The following BRWD1 variants were observed in gnomAD, a reference collection of about 807,000 sequenced individuals.
BRWD1 encodes bromodomain and WD repeat-containing protein 1.
A neutral mutation model predicts 251.2 loss-of-function variants in BRWD1; 82 were observed. The ratio of observed to expected loss-of-function variants is 0.33; its 90% CI spans 0.27 to 0.39. BRWD1 has a LOEUF of 0.39. Ranked by LOEUF, BRWD1 falls within the 10% of genes least tolerant of loss-of-function variation. The probability of loss-of-function intolerance (pLI) is 1.00; values close to 1 mark genes in which losing one functional copy is unlikely to be tolerated. For synonymous variants in BRWD1, 918 were observed against 902.8 expected, an observed-to-expected ratio of 1.02 and a Z score of -0.30; for missense variants, 2,233 against 2,711.6, an observed-to-expected ratio of 0.82 and a Z score of 3.92.
At chr21:39,247,642 A>C in intron 21 of BRWD1, 59 bp downstream of exon 21, 1 of 1,508,134 alleles carries the variant, frequency 6.6e-7, no homozygotes, top group Non-Finnish European at 8.9e-7. Flanking sequence ...ATTCAAAGTA[A>C]AGAATTAAGC....
chr21:39,194,014 G>C lies in BRWD1; in HGVS notation c.*2245C>G, dbSNP rs1292532385. The C allele has an allele frequency of 2.0e-6, 2 of 985,326 alleles. No homozygotes were observed. The highest frequency in any genetic ancestry group is 3.5e-5 in the African/African-American group (2 of 57,160). The allele number at this position is 985,326 out of a possible 1,614,324, so 61.0% of individuals were successfully genotyped here. ...TACCATTGTCGGCTATGCTTTTAAA[G>C]ACATCAGGTCCATTCTTGCTGCTTC... On this transcript the variant is annotated 3_prime_UTR_variant, in exon 41 of 41. Coordinates refer to ENST00000342449, the MANE Select transcript of BRWD1 (RefSeq NM_033656.4).
chr21:39,243,701 T>C (rs1468908394), intron 21 of BRWD1, among the ~76,000 whole-genome samples: 1 of 152,108 alleles, frequency 6.6e-6, no homozygotes, highest in East Asian at 1.9e-4. Context: ...TCCTCCCACC[T>C]CAGTCTCCCA....
intron 8 of BRWD1, among the ~76,000 whole-genome samples, chr21:39,287,838 T>G (rs903205390): frequency 2.0e-5 from 3 of 152,206 alleles, no homozygotes; most frequent in Non-Finnish European, 2.9e-5. Flanking sequence ...TTCAGCTTCT[T>G]TCTAATACAT....
intron 4 of BRWD1, among the ~76,000 whole-genome samples, chr21:39,311,705 T>A (rs959824914): frequency 1.3e-5 from 2 of 152,226 alleles, no homozygotes; most frequent in Admixed American, 6.5e-5. Context: ...TTAGAACTCA[T>A]TCCCTTGAAA....
At chr21:39,238,082 G>A (rs188058600) in intron 22 of BRWD1, among the ~76,000 whole-genome samples, 17 of 152,114 alleles carry the variant, frequency 1.1e-4, no homozygotes, top group Non-Finnish European at 2.4e-4. Context: ...TGAAGGTGAC[G>A]TGCACCAAGA....
intron 8 of BRWD1, among the ~76,000 whole-genome samples, chr21:39,283,476 G>C (rs913584156): frequency 1.3e-5 from 2 of 151,954 alleles, no homozygotes; most frequent in African/African-American, 4.8e-5. Context: ...GTGTTTGAGG[G>C]GTTTTGTTGC....
intron 17 of BRWD1, among the ~76,000 whole-genome samples, chr21:39,259,402 T>A (rs1258333139): frequency 6.6e-6 from 1 of 152,112 alleles, no homozygotes; most frequent in Non-Finnish European, 1.5e-5. Context: ...GCCATTCTCC[T>A]GCCTCGGCCT....
At chr21:39,250,678 C>T in intron 20 of BRWD1, 118 bp downstream of exon 20, 1 of 652,324 alleles carries the variant, frequency 1.5e-6, no homozygotes, top group Non-Finnish European at 2.5e-6. Context: ...AAACAGAAAA[C>T]CTTAAGCAAG....
intron 5 of BRWD1, chr21:39,296,591 A>C (rs2035968050): frequency 8.8e-7 from 1 of 1,130,768 alleles, no homozygotes; most frequent in Non-Finnish European, 1.1e-6. Flanking sequence ...AGCACTTTAC[A>C]ATTCACAAAG....
At chr21:39,260,503 GTC>G (rs2034706982) in intron 17 of BRWD1, among the ~76,000 whole-genome samples, 2 of 152,184 alleles carry the variant, frequency 1.3e-5, no homozygotes, top group Admixed American at 6.6e-5. Context: ...AATGTTAACT[GTC>G]TCTATGGAAT....
chr21:39,276,149 C>A, intron 12 of BRWD1, 24 bp downstream of exon 12: 1 of 1,597,752 alleles, frequency 6.3e-7, no homozygotes, highest in Non-Finnish European at 8.6e-7. Context: ...AACACACACA[C>A]ACACATACAA....
intron 19 of BRWD1, among the ~76,000 whole-genome samples, chr21:39,253,118 C>T (rs1568918515): frequency 1.3e-5 from 2 of 151,860 alleles, no homozygotes; most frequent in South Asian, 2.1e-4. Flanking sequence ...GGTGAAACCC[C>T]ATCTCTACTG....
In BRWD1 at chr21:39,188,387, C is replaced by T; in HGVS notation, c.*7872G>A. On this transcript the variant is annotated 3_prime_UTR_variant, in exon 41 of 41. Transcript: ENST00000342449. Reference sequence around the variant, plus strand: ...GATCACTGAAATAACCAGTTGATATCCTCCACCCACACTAGACATCTGGAG... The same window carrying T: ...GATCACTGAAATAACCAGTTGATATTCTCCACCCACACTAGACATCTGGAG... 1 of 985,354 alleles carries T rather than the reference C, an allele frequency of 1.0e-6. No homozygotes were observed. The highest frequency in any genetic ancestry group is 1.2e-6 in the Non-Finnish European group (1 of 829,900). The allele number at this position is 985,354 out of a possible 1,614,324, so 61.0% of individuals were successfully genotyped here.
chr21:39,197,115 C>T lies in BRWD1; in HGVS notation c.5954G>A (p.Cys1985Tyr), dbSNP rs780746025. Residue 1985 changes from cysteine (C) to tyrosine (Y), a missense_variant, in exon 41 of 41, where the codon TGT (cysteine) becomes TAT (tyrosine). Cys to Tyr is a radical substitution (Grantham distance 194). Coordinates refer to ENST00000342449, the MANE Select transcript of BRWD1 (RefSeq NM_033656.4). ...KLSDCEGSVH[C>Y]EVPSEQYACE... The stretch of plus-strand genomic sequence containing the variant: ...GGCATACTGTTCACTTGGTACTTCA[C>T]AATGTACACTTCCTTCACAATCACT... 6.2e-7 allele frequency: 1 copy of T among 1,614,144 alleles called. No individual in the cohort carries two copies. Among genetic ancestry groups the T allele is most frequent in the Non-Finnish European group, 8.5e-7 (1 of 1,179,982 alleles).
chr21:39,229,562 ATAC>A (rs2033525721), intron 25 of BRWD1, 126 bp from the exon 26 acceptor site: 1 of 838,608 alleles, frequency 1.2e-6, no homozygotes, highest in Admixed American at 2.8e-5. Flanking sequence ...AGTTTAATTA[ATAC>A]CATTAATTAC....
intron 15 of BRWD1, among the ~76,000 whole-genome samples, chr21:39,268,831 C>CA (rs1016367123): frequency 7.2e-5 from 11 of 151,852 alleles, no homozygotes; most frequent in Admixed American, 2.6e-4. Context: ...CTAAAAAATA[C>CA]AAAAAAATTA....
chr21:39,245,663 A>G (rs998833894), intron 21 of BRWD1, among the ~76,000 whole-genome samples: 4 of 149,292 alleles, frequency 2.7e-5, no homozygotes, highest in Non-Finnish European at 3.0e-5. Context: ...GCCGTGGCGC[A>G]GTCTCGGCTC....
At position 39,191,967 on chromosome 21, in the gene BRWD1, A is replaced by G; in HGVS notation, c.*4292T>C. 1.0e-6 allele frequency: 1 copy of G among 985,226 alleles called. No individual in the cohort carries two copies. The highest frequency in any genetic ancestry group is 1.2e-6 in the Non-Finnish European group (1 of 829,790). 61.0% of individuals were successfully genotyped at this position (985,226 alleles called of 1,614,324 possible). On this transcript the variant is annotated 3_prime_UTR_variant, in exon 41 of 41. Coordinates refer to ENST00000342449, the MANE Select transcript of BRWD1 (RefSeq NM_033656.4). Reference sequence around the variant, plus strand: ...TGAGAAACAGATGTATAGTCTAATTATTTACATGTTGCCAAAGATAGAGCC... The same window carrying G: ...TGAGAAACAGATGTATAGTCTAATTGTTTACATGTTGCCAAAGATAGAGCC...
intron 8 of BRWD1, among the ~76,000 whole-genome samples, chr21:39,290,916 G>A (rs1393342481): frequency 3.9e-5 from 6 of 152,146 alleles, no homozygotes; most frequent in African/African-American, 1.4e-4. Flanking sequence ...AGGACTGCTT[G>A]ATCCTAGGAA....
Sources: gnomAD v4.1 joint callset for allele counts (sites outside exome capture counted in the v4.1 genomes callset) on GRCh38, gnomAD v4.1.1 for gene constraint, MANE v1.5 for transcripts, NCBI Gene and HGNC (gene_info 2026-07-23, HGNC 2026-07-21) for gene names.